The following CLNK variants were observed in gnomAD, a reference collection of about 807,000 sequenced individuals.
CLNK encodes the protein cytokine dependent hematopoietic cell linker.
A neutral mutation model predicts 68.6 loss-of-function variants in CLNK; 74 were observed. That is an observed-to-expected ratio of 1.08 (90% CI 0.89 to 1.31). The LOEUF is 1.31. Among genes scored for constraint, CLNK ranks in the 50% most tolerant of loss-of-function variants. The pLI is 0.00. For synonymous variants in CLNK, 198 were observed against 172.2 expected, an observed-to-expected ratio of 1.15 and a Z score of -1.17; for missense variants, 553 against 515.3, an observed-to-expected ratio of 1.07 and a Z score of -0.71.
intron 11 of CLNK, among the ~76,000 whole-genome samples, chr4:10,535,231 GAAAGAAAGAAAGAAAGAAAGA>G (rs1379050785): frequency 1.7e-4 from 17 of 99,438 alleles, no homozygotes; most frequent in Admixed American, 4.6e-4. Context: ...AAGAAAGAAA[GAAAGAAAGAAAGAAAGAAAGA>G]AAGAAAGAAA....
intron 2 of CLNK, among the ~76,000 whole-genome samples, chr4:10,632,445 T>C (rs1020466154): frequency 2.0e-5 from 3 of 152,254 alleles, no homozygotes; most frequent in Non-Finnish European, 4.4e-5. Context: ...ACATGCACAG[T>C]ATCCCACGCA....
chr4:10,587,988 G>A (rs965013169), intron 3 of CLNK, among the ~76,000 whole-genome samples: 1 of 152,140 alleles, frequency 6.6e-6, no homozygotes, highest in African/African-American at 2.4e-5. Flanking sequence ...TTTATCGACG[G>A]CCTGAGTGCT....
intron 2 of CLNK, among the ~76,000 whole-genome samples, chr4:10,601,795 G>A (rs749097212): frequency 1.3e-5 from 2 of 152,140 alleles, no homozygotes; most frequent in Non-Finnish European, 2.9e-5. Context: ...CACCCACCTA[G>A]TGAAATGAAT....
the CLNK span, among the ~76,000 whole-genome samples, chr4:10,708,880 G>A: frequency 6.6e-6 from 1 of 152,196 alleles, no homozygotes; most frequent in African/African-American, 2.4e-5. Context: ...TCAGGATTCA[G>A]TTTGTGACTG....
chr4:10,519,968 G>A (rs558985761), intron 15 of CLNK, among the ~76,000 whole-genome samples: 48 of 152,012 alleles, frequency 3.2e-4, no homozygotes, highest in African/African-American at 1.1e-3. Flanking sequence ...GATAGAATTA[G>A]GAGCAGGATC....
At chr4:10,616,790 G>GTATATATATATATATA (rs58333228) in intron 2 of CLNK, among the ~76,000 whole-genome samples, 2 of 64,398 alleles carry the variant, frequency 3.1e-5, no homozygotes, top group Non-Finnish European at 8.5e-5. Flanking sequence ...GTGTGTGTGT[G>GTATATATATATATATA]TATATATATA....
intron 2 of CLNK, among the ~76,000 whole-genome samples, chr4:10,624,063 A>G (rs1207827775): frequency 6.6e-6 from 1 of 152,222 alleles, no homozygotes; most frequent in Non-Finnish European, 1.5e-5. Flanking sequence ...TGAAAAGAAC[A>G]CTTTTCAGTT....
At chr4:10,699,459 C>CCT in the CLNK span, among the ~76,000 whole-genome samples, 13 of 62,922 alleles carry the variant, frequency 2.1e-4, no homozygotes, top group Admixed American at 1.4e-3. Context: ...CTATGTACAT[C>CCT]CTCTCTGTCT....
At chr4:10,581,766 T>A (rs973641228) in intron 4 of CLNK, among the ~76,000 whole-genome samples, 1 of 152,028 alleles carries the variant, frequency 6.6e-6, no homozygotes, top group African/African-American at 2.4e-5. Context: ...GGCAGCTGCC[T>A]CCCACCTCAT....
intron 7 of CLNK, 69 bp downstream of exon 7, chr4:10,564,602 G>T: frequency 9.4e-7 from 1 of 1,066,474 alleles, no homozygotes. Flanking sequence ...GACAGGAGAT[G>T]GGGCAGTTTC....
At chr4:10,718,459 C>T in the CLNK span, among the ~76,000 whole-genome samples, 1 of 150,536 alleles carries the variant, frequency 6.6e-6, no homozygotes, top group Middle Eastern at 3.4e-3. Context: ...CATCGGAAAC[C>T]ATAGAGACCA....
At chr4:10,571,314 T>C (rs535248338) in intron 5 of CLNK, among the ~76,000 whole-genome samples, 1 of 150,102 alleles carries the variant, frequency 6.7e-6, no homozygotes, top group South Asian at 2.1e-4. Context: ...TTTGTTGTTG[T>C]TGTTGCTGTT....
intron 6 of CLNK, 24 bp downstream of exon 6, chr4:10,565,985 T>C: frequency 6.2e-7 from 1 of 1,610,052 alleles, no homozygotes; most frequent in Non-Finnish European, 8.5e-7. Flanking sequence ...ATCTTCTTAT[T>C]TCAGGCAGAC....
At chr4:10,728,844 C>G in the CLNK span, among the ~76,000 whole-genome samples, 11 of 152,104 alleles carry the variant, frequency 7.2e-5, no homozygotes, top group East Asian at 2.1e-3. Context: ...CGTGATCTGC[C>G]CGCCTTGGCC....
chr4:10,606,979 T>C (rs1721817206), intron 2 of CLNK, among the ~76,000 whole-genome samples: 1 of 152,214 alleles, frequency 6.6e-6, no homozygotes, highest in Non-Finnish European at 1.5e-5. Context: ...TCACAACTTC[T>C]TAAATTAGAT....
chr4:10,652,894 A>C (rs1435817680), intron 2 of CLNK, among the ~76,000 whole-genome samples: 1 of 152,220 alleles, frequency 6.6e-6, no homozygotes, highest in African/African-American at 2.4e-5. Flanking sequence ...ATGCACATGT[A>C]TGTTTATTGC....
At chr4:10,717,811 A>G in the CLNK span, among the ~76,000 whole-genome samples, 189 of 152,340 alleles carry the variant, frequency 1.2e-3, no homozygotes, top group South Asian at 4.1e-3. Context: ...GCAGTTTTCA[A>G]TAAAAAAGTC....
At chr4:10,611,728 C>T (rs902430823) in intron 2 of CLNK, among the ~76,000 whole-genome samples, 1 of 152,164 alleles carries the variant, frequency 6.6e-6, no homozygotes, top group Non-Finnish European at 1.5e-5. Context: ...TGTGCTGCTC[C>T]TGGGGGTGGC....
At position 10,639,064 on chromosome 4, in the gene CLNK, C is replaced by T. The variant is rs895551161; in HGVS notation, c.11+28795G>A. 1.5e-4 allele frequency among the ~76,000 whole-genome samples: 23 copies of T among 152,184 alleles called. 1 individual carries two copies. The highest frequency in any genetic ancestry group is 9.8e-4 in the Admixed American group (15 of 15,282). On this transcript the variant is annotated intron_variant, in intron 2 of 18. Coordinates refer to ENST00000226951, the MANE Select transcript of CLNK (RefSeq NM_052964.4). ...GACACAGTTTGGCTCATATCAGACG[C>T]CTTCCAGAAGACATCTTTTAAGACC...
Sources: allele counts gnomAD v4.1 joint callset (sites outside exome capture counted in the v4.1 genomes callset), GRCh38; gene constraint gnomAD v4.1.1; transcripts MANE v1.5; gene names NCBI Gene and HGNC (gene_info 2026-07-23, HGNC 2026-07-21).